FSIP2: variants seen among roughly 807,000 people sequenced by gnomAD.
FSIP2 encodes the protein fibrous sheath interacting protein 2, also known as fibrous sheath-interacting protein 2.
FSIP2 carries 367 observed loss-of-function variants against 510.5 expected under a neutral mutation model. That is an observed-to-expected ratio of 0.72 (90% CI 0.66 to 0.78). The LOEUF is 0.78. Among genes scored for constraint, FSIP2 ranks in the 30% least tolerant of loss-of-function variants. The probability of loss-of-function intolerance (pLI) is 0.00; values close to 1 mark genes in which losing one functional copy is unlikely to be tolerated. For synonymous variants in FSIP2, 2,601 were observed against 2,732.2 expected, an observed-to-expected ratio of 0.95 and a Z score of 1.50; for missense variants, 7,594 against 7,901.7, an observed-to-expected ratio of 0.96 and a Z score of 1.48.
At chr2:185,782,193 A>G (rs1692866062) in intron 13 of FSIP2, among the ~76,000 whole-genome samples, 1 of 152,174 alleles carries the variant, frequency 6.6e-6, no homozygotes, top group Non-Finnish European at 1.5e-5. Context: ...GGAAGTCATA[A>G]TCAGGTGTAC....
intron 16 of FSIP2, among the ~76,000 whole-genome samples, chr2:185,799,016 G>A (rs1693363070): frequency 6.6e-6 from 1 of 151,750 alleles, no homozygotes; most frequent in Non-Finnish European, 1.5e-5. Flanking sequence ...AAGTTCTGAG[G>A]AAAAAAACTG....
In FSIP2 at chr2:185,797,511, A is replaced by G. The variant is rs953022351; in HGVS notation, c.10375A>G (p.Asn3459Asp). Reference sequence around the variant, plus strand: ...CACATCTGTGGTCACATATTTGAAGAACTTTGAAACTACAGGTAAGCAAGA... The same window carrying G: ...CACATCTGTGGTCACATATTTGAAGGACTTTGAAACTACAGGTAAGCAAGA... ...VTTSVVTYLK[N>D]FETTVFSEEK... The change falls in exon 16 of 23, where the codon AAC (asparagine) becomes GAC (aspartate). Residue 3459 changes from asparagine (N) to aspartate (D), a missense_variant. Asn to Asp is a conservative substitution (Grantham distance 23, BLOSUM62 1). Coordinates refer to ENST00000424728, the MANE Select transcript of FSIP2 (RefSeq NM_173651.4). 2.0e-6 allele frequency: 3 copies of G among 1,497,016 alleles called. No homozygotes were observed. The Admixed American group carries it at 7.6e-5, about 38-fold the overall frequency. 92.7% of individuals were successfully genotyped at this position (1,497,016 alleles called of 1,614,324 possible). A position where few individuals can be genotyped will look rare whatever the true frequency, so the allele number is the denominator to read the frequency against.
At chr2:185,787,560 T>C (rs987679096) in intron 15 of FSIP2, among the ~76,000 whole-genome samples, 2 of 151,842 alleles carry the variant, frequency 1.3e-5, no homozygotes, top group Non-Finnish European at 2.9e-5. Flanking sequence ...TTACAAGCTC[T>C]ATGTTTTAAG....
intron 13 of FSIP2, among the ~76,000 whole-genome samples, chr2:185,766,989 T>TA (rs1351443449): frequency 2.5e-5 from 3 of 119,982 alleles, no homozygotes; most frequent in Non-Finnish European, 3.5e-5. Context: ...TATGCAGCCA[T>TA]AAAAAATGAT....
At chr2:185,762,289 G>T (rs4667053) in intron 11 of FSIP2, among the ~76,000 whole-genome samples, 12 of 151,162 alleles carry the variant, frequency 7.9e-5, no homozygotes, top group African/African-American at 2.7e-4. Context: ...CGCTGGCATA[G>T]TGGCTTCAGG....
chr2:185,757,463 CTT>C (rs1692265445), intron 9 of FSIP2, among the ~76,000 whole-genome samples: 2 of 151,322 alleles, frequency 1.3e-5, no homozygotes, highest in Admixed American at 6.6e-5. Context: ...TATCTACTCT[CTT>C]GTTTCAGTGA....
Position 185,788,753 on chromosome 2 carries a change from A to G in FSIP2, c.1617A>G (p.Gln539=), listed in dbSNP as rs1352987782. The G allele has an allele frequency of 2.6e-6, 4 of 1,534,292 alleles. No individual in the cohort carries two copies. The highest frequency in any genetic ancestry group is 3.5e-6 in the Non-Finnish European group (4 of 1,145,680). Residue 539 remains glutamine (Q), a synonymous_variant, in exon 16 of 23, where the codon CAA becomes CAG. Coordinates refer to ENST00000424728, the MANE Select transcript of FSIP2 (RefSeq NM_173651.4). ...TCACAAAGTATGAAAAAAGATTGCAAAATAATACATACCCAGTATCTGATG... is the reference window on the plus strand; with the variant it reads ...TCACAAAGTATGAAAAAAGATTGCAGAATAATACATACCCAGTATCTGATG... The part of the protein sequence containing the change: ...PAITKYEKRL[Q]NNTYPVSDDS...
intron 13 of FSIP2, among the ~76,000 whole-genome samples, chr2:185,770,105 G>A (rs934442347): frequency 1.3e-5 from 2 of 152,136 alleles, no homozygotes; most frequent in Non-Finnish European, 2.9e-5. Flanking sequence ...CTTGTTGTGT[G>A]AAGAATGCCA....
chr2:185,768,155 A>G (rs1692533891), intron 13 of FSIP2, among the ~76,000 whole-genome samples: 1 of 151,984 alleles, frequency 6.6e-6, no homozygotes, highest in Non-Finnish European at 1.5e-5. Context: ...AGATTTTTAT[A>G]TGCTTGGGAT....
At position 185,796,044 on chromosome 2, in the gene FSIP2, C is replaced by A. The variant is rs760561740; in HGVS notation, c.8908C>A (p.Pro2970Thr). 14 of 1,532,724 alleles carry A rather than the reference C, an allele frequency of 9.1e-6. No individual in the cohort carries two copies. Among genetic ancestry groups the A allele is most frequent in the Non-Finnish European group, 1.2e-5 (14 of 1,145,388 alleles). The allele number at this position is 1,532,724 out of a possible 1,614,324, so 94.9% of individuals were successfully genotyped here. ...FPNKHSLSSL[P>T]IYNTKTKDQI... ...AAACAAGCATAGCCTCAGCAGTTTACCAATCTATAACACAAAGACAAAAGA... is the reference window on the plus strand; with the variant it reads ...AAACAAGCATAGCCTCAGCAGTTTAACAATCTATAACACAAAGACAAAAGA... The change falls in exon 16 of 23, where the codon CCA (proline) becomes ACA (threonine). Residue 2970 changes from proline to threonine, a missense_variant. By Grantham distance (38) the Pro-to-Thr change is conservative. Transcript: ENST00000424728.
At chr2:185,824,411 A>AT (rs1436620065) in intron 19 of FSIP2, 23 bp from the exon 20 acceptor site, 5 of 1,533,308 alleles carry the variant, frequency 3.3e-6, no homozygotes, top group Non-Finnish European at 4.5e-6. Flanking sequence ...ACCCTAAATG[A>AT]TGTTCTTTTT....
chr2:185,764,925 C>G (rs1249607274), intron 13 of FSIP2: 1 of 164,014 alleles, frequency 6.1e-6, no homozygotes, highest in Non-Finnish European at 1.3e-5. Context: ...ATTGTTTGTA[C>G]TAATGTTGAC....
rs774857471 is a variant in FSIP2 at position 185,813,751 on chromosome 2, A to C, written c.20034A>C (p.Glu6678Asp). The stretch of plus-strand genomic sequence containing the variant: ...TAACACAGACTTTTGCAAAAGAAGA[A>C]GGCATCAAAGTATTTGAAGATCAAG... ...VVLTQTFAKE[E>D]GIKVFEDQVK... The change falls in exon 18 of 23, where the codon GAA (glutamate) becomes GAC (aspartate). Residue 6678 changes from glutamate (E) to aspartate (D), a missense_variant. Glu to Asp is a conservative substitution (Grantham distance 45, BLOSUM62 2). Transcript: ENST00000424728. The C allele has an allele frequency of 1.2e-6, 2 of 1,612,510 alleles. No individual in the cohort carries two copies. Among genetic ancestry groups the C allele is most frequent in the South Asian group, 2.2e-5 (2 of 90,964 alleles).
rs754466498 is a variant in FSIP2, at chr2:185,823,883, T to A, written c.20427-551T>A. On this transcript the variant is annotated intron_variant, in intron 19 of 22. Coordinates refer to ENST00000424728, the MANE Select transcript of FSIP2 (RefSeq NM_173651.4). ...AGCAAAATGTGTTATAAATATTCAA[T>A]GGAATGTTATTCAGCCTTAAAAAAG... is the stretch of plus-strand genomic sequence containing the variant. Among the ~76,000 whole-genome samples, 116 of 151,920 alleles carry A rather than the reference T, an allele frequency of 7.6e-4. 2 individuals are homozygous for A. The highest frequency in any genetic ancestry group is 6.6e-4 in the Admixed American group (10 of 15,226).
Position 185,807,510 on chromosome 2 carries a change from G to A in FSIP2, c.18204G>A (p.Gln6068=), listed in dbSNP as rs1321097195. 1 of 1,611,176 alleles carries A rather than the reference G, an allele frequency of 6.2e-7. No individual in the cohort carries two copies. The highest frequency in any genetic ancestry group is 8.5e-7 in the Non-Finnish European group (1 of 1,178,254). ...EISQDKYMTI[Q]YVETLQSDDD... ...CCCAAGATAAATATATGACTATACA[G>A]TATGTAGAAACCTTACAATCTGATG... Residue 6068 remains glutamine (Q), a synonymous_variant, in exon 17 of 23, where the codon CAG becomes CAA. Transcript: ENST00000424728.
chr2:185,754,576 C>T (rs1450611907), intron 8 of FSIP2, among the ~76,000 whole-genome samples: 1 of 151,444 alleles, frequency 6.6e-6, no homozygotes, highest in South Asian at 2.1e-4. Flanking sequence ...TTTGTACTGT[C>T]GCTTGCTACA....
At position 185,803,845 on chromosome 2, in the gene FSIP2, T is replaced by G. The variant is rs1313866026; in HGVS notation, c.14539T>G (p.Tyr4847Asp). The change falls in exon 17 of 23, where the codon TAT becomes GAT. Residue 4847 changes from tyrosine (Y) to aspartate (D), a missense_variant. By Grantham distance (160) the Tyr-to-Asp change is radical (BLOSUM62 -3). Transcript: ENST00000424728. ...ISKHEICIIK[Y>D]GNKKQSMISA... Reference sequence around the variant, plus strand: ...AAAACATGAAATATGTATTATTAAATATGGGAATAAAAAACAGAGTATGAT... The same window carrying G: ...AAAACATGAAATATGTATTATTAAAGATGGGAATAAAAAACAGAGTATGAT... The G allele has an allele frequency of 6.6e-7, 1 of 1,508,252 alleles. No homozygotes were observed. Among genetic ancestry groups the G allele is most frequent in the South Asian group, 1.2e-5 (1 of 80,812 alleles). The allele number at this position is 1,508,252 out of a possible 1,614,324, so 93.4% of individuals were successfully genotyped here. A position where few individuals can be genotyped will look rare whatever the true frequency, so the allele number is the denominator to read the frequency against.
chr2:185,752,478 T>C (rs1476268700), intron 7 of FSIP2, among the ~76,000 whole-genome samples: 3 of 151,328 alleles, frequency 2.0e-5, no homozygotes, highest in Admixed American at 6.6e-5. Flanking sequence ...TCATCAAATT[T>C]GAAACATTTT....
intron 21 of FSIP2, among the ~76,000 whole-genome samples, chr2:185,831,261 T>G (rs1379731299): frequency 6.6e-6 from 1 of 151,906 alleles, no homozygotes; most frequent in East Asian, 1.9e-4. Context: ...GGCTATTTTA[T>G]GCTTCTCTGG....
Sources: allele counts gnomAD v4.1 joint callset (sites outside exome capture counted in the v4.1 genomes callset), GRCh38; gene constraint gnomAD v4.1.1; transcripts MANE v1.5; gene names NCBI Gene and HGNC (gene_info 2026-07-23, HGNC 2026-07-21).